RPS6KC1: variants seen among roughly 807,000 people sequenced by gnomAD.
RPS6KC1 encodes ribosomal protein S6 kinase C1.
Under a neutral mutation model 103.8 loss-of-function variants are expected in RPS6KC1, and 54 were observed. The observed-to-expected ratio is 0.52, with a 90% CI of 0.42 to 0.65. The LOEUF is 0.65. Ranked by LOEUF, RPS6KC1 falls within the 30% of genes least tolerant of loss-of-function variation. RPS6KC1 has a pLI of 0.00. For missense variants in RPS6KC1, 1,151 were observed against 1,253.8 expected (o/e 0.92, Z 1.24); for synonymous variants, 439 against 438.7 (o/e 1.00, Z -0.01).
chr1:213,796,526 G>A, the RPS6KC1 span, among the ~76,000 whole-genome samples: 4 of 152,122 alleles, frequency 2.6e-5, no homozygotes, highest in African/African-American at 7.2e-5. Flanking sequence ...GAGAAAAAGG[G>A]ATACTTGGTT....
the RPS6KC1 span, among the ~76,000 whole-genome samples, chr1:213,780,499 A>G: frequency 1.3e-5 from 2 of 152,244 alleles, no homozygotes; most frequent in Non-Finnish European, 2.9e-5. Flanking sequence ...GCAAAACTTT[A>G]CAACCCGATT....
chr1:213,397,816 G>A, the RPS6KC1 span, among the ~76,000 whole-genome samples: 5 of 152,276 alleles, frequency 3.3e-5, no homozygotes, highest in African/African-American at 1.2e-4. Context: ...GTTAGGGGCA[G>A]GAGAGGACAC....
chr1:213,291,036 A>G, the RPS6KC1 span, among the ~76,000 whole-genome samples: 1 of 152,190 alleles, frequency 6.6e-6, no homozygotes, highest in Non-Finnish European at 1.5e-5. Context: ...TGCCTTGCAA[A>G]TGTGGCTCCC....
chr1:213,520,335 C>T, the RPS6KC1 span, among the ~76,000 whole-genome samples: 1 of 152,140 alleles, frequency 6.6e-6, no homozygotes, highest in Non-Finnish European at 1.5e-5. Context: ...GGGGAAACCC[C>T]TTATAAAACC....
chr1:213,134,106 A>G (rs1244348584), intron 6 of RPS6KC1, among the ~76,000 whole-genome samples: 3 of 152,080 alleles, frequency 2.0e-5, no homozygotes, highest in Non-Finnish European at 4.4e-5. Context: ...TATAGAATCA[A>G]ATTGAGTGAC....
chr1:213,120,122 C>G (rs1220738717), intron 5 of RPS6KC1, among the ~76,000 whole-genome samples: 1 of 152,122 alleles, frequency 6.6e-6, no homozygotes, highest in East Asian at 1.9e-4. Flanking sequence ...ACATTTCTGT[C>G]AAAAACACGG....
At chr1:213,556,571 A>G in the RPS6KC1 span, among the ~76,000 whole-genome samples, 3 of 152,184 alleles carry the variant, frequency 2.0e-5, no homozygotes, top group Non-Finnish European at 4.4e-5. Context: ...ATATGAAGAA[A>G]TTTTTAAGCA....
At chr1:213,855,943 C>T in the RPS6KC1 span, among the ~76,000 whole-genome samples, 1 of 152,226 alleles carries the variant, frequency 6.6e-6, no homozygotes, top group Non-Finnish European at 1.5e-5. Context: ...CCTGCAAACT[C>T]CCCTTCTTTT....
the RPS6KC1 span, among the ~76,000 whole-genome samples, chr1:213,554,166 T>A: frequency 1.3e-5 from 2 of 152,218 alleles, no homozygotes. Context: ...AGGTTTGACA[T>A]TTAAGTCTTT....
At chr1:213,723,258 C>A in the RPS6KC1 span, among the ~76,000 whole-genome samples, 1 of 152,210 alleles carries the variant, frequency 6.6e-6, no homozygotes, top group Admixed American at 6.5e-5. Flanking sequence ...GAAATTCAGA[C>A]CTTTGTTCTG....
the RPS6KC1 span, among the ~76,000 whole-genome samples, chr1:213,516,168 T>A: frequency 6.6e-6 from 1 of 152,232 alleles, no homozygotes; most frequent in Non-Finnish European, 1.5e-5. Context: ...AATCATGTCA[T>A]CTGCAAACAG....
the RPS6KC1 span, among the ~76,000 whole-genome samples, chr1:213,678,671 C>T: frequency 6.6e-6 from 1 of 152,152 alleles, no homozygotes; most frequent in Non-Finnish European, 1.5e-5. Flanking sequence ...ACCTGGAAGT[C>T]TGCATTATTT....
Position 213,132,008 on chromosome 1 carries a change from T to A in RPS6KC1, c.835+2119T>A, listed in dbSNP as rs2085694950. ...TTGCATTTAATCTTAGAACATTTCA[T>A]AATGTTACCACTTGATGGCACCAGA... is the stretch of plus-strand genomic sequence containing the variant. On this transcript the variant is annotated intron_variant, in intron 6 of 14. Transcript: ENST00000366960. 2.0e-5 allele frequency among the ~76,000 whole-genome samples: 3 copies of A among 152,252 alleles called. 1 individual carries two copies. In the South Asian group the frequency reaches 6.2e-4, roughly 32 times the overall value.
chr1:213,314,065 G>A, the RPS6KC1 span, among the ~76,000 whole-genome samples: 1 of 152,102 alleles, frequency 6.6e-6, no homozygotes, highest in Non-Finnish European at 1.5e-5. Context: ...CAGCTGGGAA[G>A]GTCCTTCCTC....
the RPS6KC1 span, among the ~76,000 whole-genome samples, chr1:213,426,059 C>T: frequency 6.6e-6 from 1 of 152,216 alleles, no homozygotes; most frequent in Admixed American, 6.5e-5. Flanking sequence ...GGTTGAGCCC[C>T]CTTTTTCCCC....
chr1:213,716,688 T>G, the RPS6KC1 span, among the ~76,000 whole-genome samples: 1 of 152,204 alleles, frequency 6.6e-6, no homozygotes, highest in Non-Finnish European at 1.5e-5. Context: ...TATTTTACTA[T>G]TTAATTTGGG....
At chr1:213,674,288 G>C in the RPS6KC1 span, among the ~76,000 whole-genome samples, 1 of 152,130 alleles carries the variant, frequency 6.6e-6, no homozygotes, top group African/African-American at 2.4e-5. Flanking sequence ...CAAAGTCCTA[G>C]GATTACAGGC....
intron 8 of RPS6KC1, among the ~76,000 whole-genome samples, chr1:213,179,043 G>A (rs1000369709): frequency 2.0e-5 from 3 of 151,952 alleles, no homozygotes; most frequent in African/African-American, 7.3e-5. Flanking sequence ...TAGAGATAAG[G>A]GAATATGTAT....
the RPS6KC1 span, among the ~76,000 whole-genome samples, chr1:213,752,377 G>C: frequency 2.6e-5 from 4 of 152,130 alleles, no homozygotes; most frequent in African/African-American, 9.7e-5. Flanking sequence ...AAAAAGGGTG[G>C]CCCCTGTCTG....
Sources: allele counts gnomAD v4.1 joint callset (sites outside exome capture counted in the v4.1 genomes callset), GRCh38; gene constraint gnomAD v4.1.1; transcripts MANE v1.5; gene names NCBI Gene and HGNC (gene_info 2026-07-23, HGNC 2026-07-21).